ADAMTS13: variants seen among roughly 807,000 people sequenced by gnomAD.
ADAMTS13 encodes the protein ADAM metallopeptidase with thrombospondin type 1 motif 13.
A neutral mutation model predicts 155.1 loss-of-function variants in ADAMTS13; 110 were observed. That is an observed-to-expected ratio of 0.71 (90% confidence interval 0.61 to 0.83). ADAMTS13 has a LOEUF of 0.83. ADAMTS13 is among the 40% of genes least tolerant of loss of function. The probability of loss-of-function intolerance (pLI) is 0.00; values close to 1 mark genes in which losing one functional copy is unlikely to be tolerated. For missense variants in ADAMTS13, 1,707 were observed against 1,891.7 expected (o/e 0.90, Z 1.81); for synonymous variants, 758 against 756.4 (o/e 1.00, Z -0.03).
intron 25 of ADAMTS13, chr9:133,455,746 C>A (rs1443134112): frequency 4.2e-6 from 5 of 1,196,850 alleles, no homozygotes; most frequent in Non-Finnish European, 6.0e-6. Context: ...CCCTCTTTCT[C>A]CCTGGCAAAG....
chr9:133,437,868 C>T lies in ADAMTS13; in HGVS notation c.1555C>T (p.Leu519=), dbSNP rs1841366696. The T allele has an allele frequency of 6.2e-7, 1 of 1,613,852 alleles. No individual in the cohort carries two copies. Among genetic ancestry groups the T allele is most frequent in the Non-Finnish European group, 8.5e-7 (1 of 1,180,014 alleles). ...AAGTGGCCCCCGGGAGGACGGGACC[C>T]TGAGCCTGTGTGTGTCGGGCAGCTG... is the stretch of plus-strand genomic sequence containing the variant. ...MPSGPREDGT[L]SLCVSGSCRT... The change falls in exon 13 of 29, where the codon CTG becomes TTG. Residue 519 remains leucine, a synonymous_variant. Transcript: ENST00000355699.
At chr9:133,420,784 C>T (rs1253982818), upstream of ADAMTS13, among the ~76,000 whole-genome samples, 1 of 152,224 alleles carries the variant, frequency 6.6e-6, no homozygotes, top group Non-Finnish European at 1.5e-5. Flanking sequence ...GAAGGATTGG[C>T]TCTTTCAGGG....
At position 133,439,391 on chromosome 9, in the gene ADAMTS13, C is replaced by G; in HGVS notation, c.1731C>G (p.Thr577=). 1 of 1,613,998 alleles carries G rather than the reference C, an allele frequency of 6.2e-7. No individual in the cohort carries two copies. The highest frequency in any genetic ancestry group is 1.7e-5 in the Admixed American group (1 of 60,022). Residue 577 remains threonine (T), a synonymous_variant, in exon 15 of 29, where the codon ACC becomes ACG. Coordinates refer to ENST00000355699, the MANE Select transcript of ADAMTS13 (RefSeq NM_139027.6). ...AATATGTCACGTTTCTGACAGTTAC[C>G]CCCAACCTGACCAGTGTCTACATTG... ...AREYVTFLTV[T]PNLTSVYIAN... is the part of the protein sequence containing the mutation.
chr9:133,429,731 G>A, intron 7 of ADAMTS13: 1 of 738,674 alleles, frequency 1.4e-6, no homozygotes, highest in African/African-American at 1.7e-5. Flanking sequence ...CCCTCTGCTG[G>A]CCACCCACCT....
chr9:133,414,854 C>T, intron 1 of ADAMTS13: 1 of 1,614,180 alleles, frequency 6.2e-7, no homozygotes, highest in Non-Finnish European at 8.5e-7. Flanking sequence ...AGAGCCCCTG[C>T]TGGCCTCCTG....
chr9:133,429,758 CT>C (rs906683262), intron 7 of ADAMTS13, 180 bp from the exon 8 acceptor site: 1 of 848,866 alleles, frequency 1.2e-6, no homozygotes, highest in African/African-American at 1.7e-5. Flanking sequence ...CGGCAGGAGC[CT>C]TAGTCTTGGT....
chr9:133,456,709 C>T lies in ADAMTS13; in HGVS notation c.3714C>T (p.Thr1238=). The T allele has an allele frequency of 6.4e-7, 1 of 1,566,270 alleles. No individual in the cohort carries two copies. Among genetic ancestry groups the T allele is most frequent in the Non-Finnish European group, 8.7e-7 (1 of 1,154,610 alleles). Residue 1238 remains threonine (T), a synonymous_variant, in exon 27 of 29, where the codon ACC becomes ACT. Coordinates refer to ENST00000355699, the MANE Select transcript of ADAMTS13 (RefSeq NM_139027.6). This position sits in a 1 kb window ranked among gnomAD's most constrained non-coding sequence, Gnocchi z 4.4. ...LRYGSQLAPE[T]FYRECDMQLF... is the part of the protein sequence containing the mutation. The stretch of plus-strand genomic sequence containing the variant: ...ATGGGAGCCAGCTTGCTCCTGAAAC[C>T]TTCTACAGAGGTATGGCCAGGCCTT...
Position 133,445,614 on chromosome 9 carries a change from T to C in ADAMTS13, c.2611-85T>C. ...CACACACGCCACTTCCTGGTCTCTC[T>C]GCTGCTGCCTGAGAAGATCGAGACG... On this transcript the variant is annotated intron_variant, in intron 20 of 28. Coordinates refer to ENST00000355699, the MANE Select transcript of ADAMTS13 (RefSeq NM_139027.6). The surrounding 1 kb of genome is among the most constrained non-coding windows in gnomAD (Gnocchi z 5.0). 6.2e-7 allele frequency: 1 copy of C among 1,605,264 alleles called. No individual in the cohort carries two copies. Among genetic ancestry groups the C allele is most frequent in the Middle Eastern group, 2.1e-4 (1 of 4,702 alleles).
chr9:133,425,915 C>G lies in ADAMTS13; in HGVS notation c.415-23C>G, dbSNP rs371569341. 6.2e-7 allele frequency: 1 copy of G among 1,612,930 alleles called. No homozygotes were observed. The highest frequency in any genetic ancestry group is 1.3e-5 in the African/African-American group (1 of 75,064). Reference sequence around the variant, plus strand: ...GTGCCTGGTTGGGGTGTCCTAAATGCAGGCTTTGCTGTGGGTCCGCAGGGT... The same window carrying G: ...GTGCCTGGTTGGGGTGTCCTAAATGGAGGCTTTGCTGTGGGTCCGCAGGGT... On this transcript the variant is annotated intron_variant, in intron 4 of 28. Transcript: ENST00000355699. The surrounding 1 kb of genome is among the most constrained non-coding windows in gnomAD (Gnocchi z 4.6).
chr9:133,442,250 C>T, intron 16 of ADAMTS13, 149 bp from the exon 17 acceptor site: 1 of 1,264,266 alleles, frequency 7.9e-7, no homozygotes, highest in Non-Finnish European at 1.1e-6. Flanking sequence ...GGTTTACAGG[C>T]ATGAGCTACC....
At chr9:133,448,230 C>T (rs1017502796) in intron 21 of ADAMTS13, among the ~76,000 whole-genome samples, 8 of 151,258 alleles carry the variant, frequency 5.3e-5, no homozygotes, top group South Asian at 2.1e-4. Flanking sequence ...CCTTGTGATC[C>T]GCCGCCCAAA....
chr9:133,447,335 A>G (rs28673647), intron 21 of ADAMTS13, among the ~76,000 whole-genome samples: 43,417 of 152,044 alleles, frequency 0.29, 7,944 homozygotes, highest in South Asian at 0.42. Context: ...CTCTGTCACC[A>G]GGTTGGAGTG....
chr9:133,439,413 A>G lies in ADAMTS13; in HGVS notation c.1753A>G (p.Ile585Val). Residue 585 changes from isoleucine (I) to valine (V), a missense_variant, in exon 15 of 29, where the codon ATT becomes GTT. Physicochemically the swap from Ile to Val is conservative, Grantham distance 29. This residue lies in a region of ADAMTS13 where 961 missense variants were observed against 1,107.9 expected (regional missense o/e 0.87). Transcript: ENST00000355699. Reference protein sequence around the residue: ...TVTPNLTSVYIANHRPLFTHL... With the variant: ...TVTPNLTSVYVANHRPLFTHL... ...TACCCCCAACCTGACCAGTGTCTAC[A>G]TTGCCAACCACAGGCCTCTCTTCAC... is the stretch of plus-strand genomic sequence containing the variant. 6.2e-7 allele frequency: 1 copy of G among 1,614,112 alleles called. No individual in the cohort carries two copies.
Position 133,456,211 on chromosome 9 carries a change from T to C in ADAMTS13, c.3543T>C (p.Ser1181=). 1 of 1,613,428 alleles carries C rather than the reference T, an allele frequency of 6.2e-7. No homozygotes were observed. Among genetic ancestry groups the C allele is most frequent in the Non-Finnish European group, 8.5e-7 (1 of 1,180,010 alleles). The change falls in exon 26 of 29, where the codon AGT becomes AGC. Residue 1181 remains serine, a synonymous_variant. Coordinates refer to ENST00000355699, the MANE Select transcript of ADAMTS13 (RefSeq NM_139027.6). The surrounding 1 kb of genome is among the most constrained non-coding windows in gnomAD (Gnocchi z 4.4). ...LRVLESSLNC[S]AGDMLLLWGR... is the part of the protein sequence containing the mutation. ...TCCTTGAGAGTTCTCTCAACTGCAG[T>C]GCGGGTATGTCTAGGGCCATGCAAG...
chr9:133,443,995 C>T (rs587721091), intron 19 of ADAMTS13, among the ~76,000 whole-genome samples: 8 of 152,276 alleles, frequency 5.3e-5, no homozygotes, highest in African/African-American at 1.9e-4. Context: ...GGCAAGTCCC[C>T]TCCTCTGTGG....
At position 133,424,579 on chromosome 9, in the gene ADAMTS13, C is replaced by T; in HGVS notation, c.330+101C>T. The T allele has an allele frequency of 6.6e-7, 1 of 1,523,596 alleles. No homozygotes were observed. Among genetic ancestry groups the T allele is most frequent in the Non-Finnish European group, 8.9e-7 (1 of 1,125,492 alleles). 94.4% of individuals were successfully genotyped at this position (1,523,596 alleles called of 1,614,324 possible). ...GGTAGTCTGAATACAGTGGGTTAAA[C>T]TCAGGTAGAATGGCTCGGGGTTCTT... On this transcript the variant is annotated intron_variant, in intron 3 of 28. Coordinates refer to ENST00000355699, the MANE Select transcript of ADAMTS13 (RefSeq NM_139027.6). The surrounding 1 kb of genome is among the most constrained non-coding windows in gnomAD (Gnocchi z 4.3).
chr9:133,426,856 G>A (rs1389196326), intron 6 of ADAMTS13, among the ~76,000 whole-genome samples: 2 of 151,484 alleles, frequency 1.3e-5, no homozygotes, highest in Non-Finnish European at 2.9e-5. Context: ...CAGGCTGGAG[G>A]GCAATGACGT....
At chr9:133,450,411 A>G (rs782622217) in intron 23 of ADAMTS13, among the ~76,000 whole-genome samples, 8 of 152,100 alleles carry the variant, frequency 5.3e-5, no homozygotes, top group Non-Finnish European at 8.8e-5. Flanking sequence ...TCTACTAAAA[A>G]TACAAAATTA....
chr9:133,437,646 T>C (rs890469835), intron 12 of ADAMTS13, 103 bp from the exon 13 acceptor site: 1 of 1,370,790 alleles, frequency 7.3e-7, no homozygotes, highest in Non-Finnish European at 1.0e-6. Flanking sequence ...GTGGGGAAGA[T>C]AGAAACCCTT....
Sources: gnomAD v4.1 joint callset for allele counts (sites outside exome capture counted in the v4.1 genomes callset) on GRCh38, gnomAD v4.1.1 for gene constraint, gnomAD v4.1.1 regional missense constraint, Gnocchi (gnomAD v3.1) non-coding constraint, MANE v1.5 for transcripts, NCBI Gene and HGNC (gene_info 2026-07-23, HGNC 2026-07-21) for gene names.